CALB2: variants seen among roughly 807,000 people sequenced by gnomAD.
CALB2 encodes the protein calretinin.
A neutral mutation model predicts 45.9 loss-of-function variants in CALB2; 34 were observed. The observed-to-expected ratio is 0.74, with a 90% confidence interval of 0.56 to 0.99. The LOEUF is 0.99. Among genes scored for constraint, CALB2 ranks in the 50% least tolerant of loss-of-function variants. The pLI, the probability that CALB2 is intolerant of heterozygous loss-of-function variation, is 0.00. For missense variants in CALB2, 344 were observed against 339.3 expected (o/e 1.01, Z -0.11); for synonymous variants, 142 against 129.6 (o/e 1.10, Z -0.65).
intron 1 of CALB2, among the ~76,000 whole-genome samples, chr16:71,360,472 CT>C (rs1418716137): frequency 1.3e-5 from 2 of 152,190 alleles, no homozygotes; most frequent in Non-Finnish European, 2.9e-5. Context: ...ACAAAGTGCT[CT>C]CCTAAGAGAA....
At chr16:71,369,391 G>A (rs1268994468) in intron 1 of CALB2, among the ~76,000 whole-genome samples, 1 of 152,154 alleles carries the variant, frequency 6.6e-6, no homozygotes, top group African/African-American at 2.4e-5. Flanking sequence ...CAGTCACTCT[G>A]CCGCCCCCCA....
At chr16:71,382,924 G>C in intron 5 of CALB2, 149 bp downstream of exon 5, 1 of 698,616 alleles carries the variant, frequency 1.4e-6, no homozygotes. Flanking sequence ...CTTGTTTAGA[G>C]AAGTCAGGGG....
Position 71,385,762 on chromosome 16 carries a change from C to G in CALB2, c.699+114C>G, listed in dbSNP as rs2042563714. On this transcript the variant is annotated intron_variant, in intron 10 of 10. Coordinates refer to ENST00000302628, the MANE Select transcript of CALB2 (RefSeq NM_001740.5). ...CTCTCTACTCCCCTCTGATCTGCCA[C>G]AGCAAGGCAATAGACATTTTGTGGG... 12 of 676,870 alleles carry G rather than the reference C, an allele frequency of 1.8e-5. 1 individual carries two copies. In the South Asian group the frequency reaches 2.8e-4, roughly 16 times the overall value. The allele number at this position is 676,870 out of a possible 1,614,324, so 41.9% of individuals were successfully genotyped here.
chr16:71,361,945 C>T (rs1198999266), intron 1 of CALB2, among the ~76,000 whole-genome samples: 1 of 152,218 alleles, frequency 6.6e-6, no homozygotes, highest in African/African-American at 2.4e-5. Flanking sequence ...ACTCCACCAA[C>T]TCTGCCTCAG....
At chr16:71,365,767 G>A (rs757793675) in intron 1 of CALB2, among the ~76,000 whole-genome samples, 51 of 152,006 alleles carry the variant, frequency 3.4e-4, no homozygotes, top group Non-Finnish European at 5.7e-4. Context: ...AGATTATTAC[G>A]GTACTTTTTA....
At chr16:71,369,174 C>T (rs1420570972) in intron 1 of CALB2, among the ~76,000 whole-genome samples, 7 of 152,142 alleles carry the variant, frequency 4.6e-5, no homozygotes, top group Non-Finnish European at 5.9e-5. Flanking sequence ...TGGCAGTGTC[C>T]GCCGGCATGT....
In CALB2 at chr16:71,382,727, G is replaced by C. The variant is rs777509291; in HGVS notation, c.351G>C (p.Arg117=). Residue 117 remains arginine, a synonymous_variant, in exon 5 of 11, where the codon CGG becomes CGC. Coordinates refer to ENST00000302628, the MANE Select transcript of CALB2 (RefSeq NM_001740.5). ...GSSAEFMEAW[R]KYDTDRSGYI... is the part of the protein sequence containing the mutation. ...CATTCCTGTTGTTGCAGGCTTGGCGGAAGTACGACACAGACAGGAGTGGCT... is the reference window on the plus strand; with the variant it reads ...CATTCCTGTTGTTGCAGGCTTGGCGCAAGTACGACACAGACAGGAGTGGCT... 2 of 1,611,734 alleles carry C rather than the reference G, an allele frequency of 1.2e-6. No homozygotes were observed. The highest frequency in any genetic ancestry group is 1.7e-6 in the Non-Finnish European group (2 of 1,179,082).
chr16:71,372,713 G>A (rs1015413458), intron 2 of CALB2, among the ~76,000 whole-genome samples: 4 of 152,078 alleles, frequency 2.6e-5, no homozygotes, highest in African/African-American at 7.2e-5. Flanking sequence ...GCAGCATCCC[G>A]GGATCTACCC....
At chr16:71,367,318 C>T (rs556947956) in intron 1 of CALB2, among the ~76,000 whole-genome samples, 56 of 152,198 alleles carry the variant, frequency 3.7e-4, no homozygotes, top group Non-Finnish European at 3.1e-4. Context: ...TTATCGATGC[C>T]CATCCGCATG....
At chr16:71,380,342 C>G (rs1387179989) in intron 4 of CALB2, among the ~76,000 whole-genome samples, 1 of 101,724 alleles carries the variant, frequency 9.8e-6, no homozygotes, top group Non-Finnish European at 1.8e-5. Flanking sequence ...CGGAGTTTCG[C>G]TCGTTGCCCA....
chr16:71,388,992 C>A (rs2145009480), intron 10 of CALB2, among the ~76,000 whole-genome samples: 4 of 85,928 alleles, frequency 4.7e-5, no homozygotes, highest in South Asian at 4.2e-4. Flanking sequence ...AGCAAGACTC[C>A]ATCTCAAAAA....
chr16:71,375,547 T>C (rs2042400619), intron 3 of CALB2, among the ~76,000 whole-genome samples: 1 of 152,014 alleles, frequency 6.6e-6, no homozygotes, highest in Non-Finnish European at 1.5e-5. Context: ...TTACAAACCA[T>C]ATAAATAAAT....
intron 10 of CALB2, among the ~76,000 whole-genome samples, chr16:71,386,900 T>G (rs189317496): frequency 6.6e-6 from 1 of 152,304 alleles, no homozygotes; most frequent in Admixed American, 6.5e-5. Flanking sequence ...ACAATTACTC[T>G]TGAAAGAGGC....
chr16:71,385,786 G>T (rs1215901192), intron 10 of CALB2, 138 bp downstream of exon 10: 1 of 620,302 alleles, frequency 1.6e-6, no homozygotes, highest in Non-Finnish European at 2.7e-6. Context: ...ACATTTTGTG[G>T]GTTTGCTTTT....
Position 71,358,844 on chromosome 16 carries a change from G to A in CALB2, c.52G>A (p.Ala18Thr). 1 of 1,613,140 alleles carries A rather than the reference G, an allele frequency of 6.2e-7. No individual in the cohort carries two copies. The highest frequency in any genetic ancestry group is 8.5e-7 in the Non-Finnish European group (1 of 1,179,848). Reference protein sequence around the residue: ...PPYLHLAELTASQFLEIWKHF... With the variant: ...PPYLHLAELTTSQFLEIWKHF... ...TTACCTGCACCTGGCCGAGCTGACG[G>A]CGTCCCAGTTCCTGGAAATATGGAA... The change falls in exon 1 of 11, where the codon GCG (alanine) becomes ACG (threonine). Residue 18 changes from alanine (A) to threonine (T), a missense_variant. Around this residue, in one of 3 missense-constraint regions of CALB2, gnomAD observed 77 missense variants for 80.5 expected, o/e 0.96. Coordinates refer to ENST00000302628, the MANE Select transcript of CALB2 (RefSeq NM_001740.5).
In CALB2 at chr16:71,389,990, G is replaced by C. The variant is rs879564132; in HGVS notation, c.*125G>C. 3.0e-6 allele frequency: 2 copies of C among 673,382 alleles called. No individual in the cohort carries two copies. The highest frequency in any genetic ancestry group is 5.3e-6 in the Non-Finnish European group (2 of 378,128). 41.7% of individuals were successfully genotyped at this position (673,382 alleles called of 1,614,324 possible). ...CCCTACAGCCTGCACACACCTGCCT[G>C]CAGAGCAGGAAATGAGAGATAGAGG... On this transcript the variant is annotated 3_prime_UTR_variant, in exon 11 of 11. Transcript: ENST00000302628.
intron 10 of CALB2, among the ~76,000 whole-genome samples, chr16:71,387,705 C>A (rs1314698392): frequency 6.6e-6 from 1 of 152,186 alleles, no homozygotes; most frequent in Non-Finnish European, 1.5e-5. Flanking sequence ...AAGTCTCTCG[C>A]TGCCACAGTT....
At chr16:71,381,328 C>T (rs187958065) in intron 4 of CALB2, among the ~76,000 whole-genome samples, 1 of 151,788 alleles carries the variant, frequency 6.6e-6, no homozygotes, top group East Asian at 1.9e-4. Context: ...AGAAAAGACA[C>T]TCTTGTAATC....
chr16:71,369,363 T>C (rs144908737), intron 1 of CALB2, among the ~76,000 whole-genome samples: 46 of 152,242 alleles, frequency 3.0e-4, no homozygotes, highest in Middle Eastern at 6.8e-3. Flanking sequence ...CAGGTGTCGG[T>C]GCCTCAGCAA....
Sources: gnomAD v4.1 joint callset for allele counts (sites outside exome capture counted in the v4.1 genomes callset) on GRCh38, gnomAD v4.1.1 for gene constraint, gnomAD v4.1.1 regional missense constraint, MANE v1.5 for transcripts, NCBI Gene and HGNC (gene_info 2026-07-23, HGNC 2026-07-21) for gene names.